EYS: variants seen among roughly 807,000 people sequenced by gnomAD.
EYS encodes EGF-like photoreceptor maintenance factor, also known as protein eyes shut homolog.
EYS carries 250 observed loss-of-function variants against 282.1 expected under a neutral mutation model. That is an observed-to-expected ratio of 0.89 (90% CI 0.80 to 0.98). EYS has a LOEUF of 0.98. EYS is among the 50% of genes least tolerant of loss of function. The pLI is 0.00. For synonymous variants in EYS, 1,355 were observed against 1,282.9 expected (o/e 1.06, Z -1.20); for missense variants, 4,016 against 3,709.0 (o/e 1.08, Z -2.15).
At chr6:64,266,955 C>T (rs1254664531) in intron 30 of EYS, among the ~76,000 whole-genome samples, 1 of 152,090 alleles carries the variant, frequency 6.6e-6, no homozygotes, top group Non-Finnish European at 1.5e-5. Flanking sequence ...AAAGCACTTG[C>T]TTATGGGCTA....
chr6:63,744,954 C>G (rs753160284), intron 41 of EYS: 3 of 423,380 alleles, frequency 7.1e-6, no homozygotes, highest in Non-Finnish European at 9.3e-6. Context: ...ACCTCATCTC[C>G]ATCATGAAAA....
At chr6:64,384,215 A>C (rs1346144509) in intron 29 of EYS, among the ~76,000 whole-genome samples, 1 of 152,244 alleles carries the variant, frequency 6.6e-6, no homozygotes, top group Non-Finnish European at 1.5e-5. Flanking sequence ...CCTGAAGTGC[A>C]TAACACTCAT....
intron 19 of EYS, among the ~76,000 whole-genome samples, chr6:64,876,473 T>C (rs949035695): frequency 3.3e-5 from 5 of 152,160 alleles, no homozygotes; most frequent in Admixed American, 6.6e-5. Flanking sequence ...TATGATTTTA[T>C]TTTAAAAATT....
chr6:64,430,834 T>C (rs1250286358), intron 28 of EYS, among the ~76,000 whole-genome samples: 1 of 152,154 alleles, frequency 6.6e-6, no homozygotes, highest in Non-Finnish European at 1.5e-5. Context: ...TCCTTCACCA[T>C]GCTGACTGGT....
At chr6:64,018,527 G>A (rs1464922344) in intron 33 of EYS, among the ~76,000 whole-genome samples, 1 of 151,916 alleles carries the variant, frequency 6.6e-6, no homozygotes, top group African/African-American at 2.4e-5. Context: ...AATTTTTTGT[G>A]GTGTCTCAAT....
At chr6:64,485,459 A>G (rs1776552884) in intron 26 of EYS, among the ~76,000 whole-genome samples, 1 of 151,518 alleles carries the variant, frequency 6.6e-6, no homozygotes, top group Non-Finnish European at 1.5e-5. Flanking sequence ...GTATTTATTT[A>G]TGTTTTTGCT....
At chr6:64,264,340 T>C (rs1767686420) in intron 30 of EYS, among the ~76,000 whole-genome samples, 1 of 152,138 alleles carries the variant, frequency 6.6e-6, no homozygotes, top group Non-Finnish European at 1.5e-5. Context: ...TCAGGTTTCC[T>C]CTGACAACTG....
At chr6:65,258,130 T>A (rs1233364306) in intron 12 of EYS, among the ~76,000 whole-genome samples, 1 of 151,998 alleles carries the variant, frequency 6.6e-6, no homozygotes, top group African/African-American at 2.4e-5. Flanking sequence ...ACATCTAATA[T>A]ATACCCATAA....
intron 13 of EYS, among the ~76,000 whole-genome samples, chr6:65,000,869 CA>C (rs775080922): frequency 4.6e-5 from 7 of 152,220 alleles, no homozygotes; most frequent in Non-Finnish European, 1.0e-4. Flanking sequence ...CACATATATG[CA>C]GTGATTTCTC....
intron 29 of EYS, among the ~76,000 whole-genome samples, chr6:64,343,027 C>T (rs1264479498): frequency 6.6e-6 from 1 of 151,986 alleles, no homozygotes; most frequent in Non-Finnish European, 1.5e-5. Flanking sequence ...ATATATGCAC[C>T]CAATACAGGA....
chr6:64,132,726 C>T (rs1187597085), intron 31 of EYS, among the ~76,000 whole-genome samples: 3 of 151,486 alleles, frequency 2.0e-5, no homozygotes, highest in Non-Finnish European at 4.4e-5. Flanking sequence ...TCAGTATATT[C>T]AATACTATTT....
At chr6:64,707,541 C>T (rs1004037785) in intron 22 of EYS, among the ~76,000 whole-genome samples, 9 of 151,558 alleles carry the variant, frequency 5.9e-5, no homozygotes, top group Admixed American at 1.3e-4. Context: ...TGGTGGCGGG[C>T]GCCTGTAGTC....
chr6:65,313,102 A>G (rs1190001390), intron 11 of EYS, among the ~76,000 whole-genome samples: 1 of 152,066 alleles, frequency 6.6e-6, no homozygotes, highest in Non-Finnish European at 1.5e-5. Context: ...CTTGAACCCT[A>G]CAAGTCTAGA....
intron 16 of EYS, among the ~76,000 whole-genome samples, chr6:64,911,212 C>T (rs9453109): frequency 0.035 from 5,285 of 152,096 alleles, 304 homozygotes; most frequent in African/African-American, 0.12. Flanking sequence ...TTCATAATTA[C>T]TAAATTTTTC....
intron 26 of EYS, 40 bp from the exon 27 acceptor site, chr6:64,439,392 A>C: frequency 7.8e-7 from 1 of 1,287,428 alleles, no homozygotes; most frequent in Non-Finnish European, 1.0e-6. Context: ...GGTTGAAATA[A>C]ATATTCAATA....
In EYS at chr6:64,088,193, G is replaced by A. The variant is rs533271070; in HGVS notation, c.6425-6191C>T. The stretch of plus-strand genomic sequence containing the variant: ...AAACAAGACTAATTGGGGTTAGGCA[G>A]AGTGTTTTCCCGCTGCTTCCAAAAG... On this transcript the variant is annotated intron_variant, in intron 31 of 42. Coordinates refer to ENST00000503581, the MANE Select transcript of EYS (RefSeq NM_001142800.2). Among the ~76,000 whole-genome samples the A allele has an allele frequency of 3.3e-5, 5 of 152,204 alleles. No homozygotes were observed. In the South Asian group the frequency reaches 1.0e-3, roughly 32 times the overall value.
At chr6:65,661,071 T>C (rs955784689) in intron 1 of EYS, among the ~76,000 whole-genome samples, 2 of 151,916 alleles carry the variant, frequency 1.3e-5, no homozygotes, top group Non-Finnish European at 2.9e-5. Context: ...TAGTCTTTTA[T>C]TTGTTTTTCT....
In EYS at chr6:64,747,487, TCTC is replaced by T. The variant is rs540013610; in HGVS notation, c.3443+65888_3443+65890del. 1.5e-4 allele frequency among the ~76,000 whole-genome samples: 23 copies of T among 152,254 alleles called. No individual in the cohort carries two copies. The East Asian group carries it at 3.9e-3, about 26-fold the overall frequency. On this transcript the variant is annotated intron_variant, in intron 22 of 42. Transcript: ENST00000503581. ...CCTCCCCGGTCCTGGTTCAAGCAAT[TCTC>T]CTACCTCAGACTCCAGAGTAGCTGG...
At chr6:65,291,403 GT>G (rs369613677) in intron 12 of EYS, among the ~76,000 whole-genome samples, 2 of 151,244 alleles carry the variant, frequency 1.3e-5, no homozygotes, top group African/African-American at 2.4e-5. Context: ...CCACTCACAT[GT>G]TTTTTTTGAT....
Sources: gnomAD v4.1 joint callset for allele counts (sites outside exome capture counted in the v4.1 genomes callset) on GRCh38, gnomAD v4.1.1 for gene constraint, MANE v1.5 for transcripts, NCBI Gene and HGNC (gene_info 2026-07-23, HGNC 2026-07-21) for gene names.